The following MAD1L1 variants were observed in gnomAD, a reference collection of about 807,000 sequenced individuals.
MAD1L1 encodes mitotic spindle assembly checkpoint protein MAD1.
MAD1L1 carries 95 observed loss-of-function variants against 96.9 expected under a neutral mutation model. That is an observed-to-expected ratio of 0.98 (90% CI 0.83 to 1.16). The LOEUF (loss-of-function observed/expected upper bound fraction) is 1.16. MAD1L1 is among the 50% of genes most tolerant of loss of function. The pLI, the probability that MAD1L1 is intolerant of heterozygous loss-of-function variation, is 0.00. For synonymous variants in MAD1L1, 473 were observed against 396.6 expected, an observed-to-expected ratio of 1.19 and a Z score of -2.29; for missense variants, 1,007 against 954.4, an observed-to-expected ratio of 1.06 and a Z score of -0.73.
intron 18 of MAD1L1, among the ~76,000 whole-genome samples, chr7:1,896,237 G>A (rs1786860610): frequency 1.3e-5 from 2 of 152,364 alleles, no homozygotes; most frequent in South Asian, 2.1e-4. Flanking sequence ...CCAGGCCATG[G>A]GGGCTGAAAG....
At position 1,938,245 on chromosome 7, in the gene MAD1L1, C is replaced by A. The variant is rs974975296; in HGVS notation, c.1597-1348G>T. Among the ~76,000 whole-genome samples the A allele has an allele frequency of 2.7e-5, 4 of 150,186 alleles. No homozygotes were observed. The East Asian group carries it at 7.9e-4, about 30-fold the overall frequency. On this transcript the variant is annotated intron_variant, in intron 16 of 18. Transcript: ENST00000265854. ...GTTACTGCGCACCCGAGACCCCGAC[C>A]TCACGCCACACACAAACAACAGCCG...
chr7:2,083,060 T>G (rs1328670333), intron 11 of MAD1L1, among the ~76,000 whole-genome samples: 1 of 152,192 alleles, frequency 6.6e-6, no homozygotes, highest in Non-Finnish European at 1.5e-5. Context: ...CGTCCCTCCC[T>G]GCGCGTGACG....
rs534216419 is a variant in MAD1L1 at position 2,146,847 on chromosome 7, G to A, written c.1073+2305C>T. On this transcript the variant is annotated intron_variant, in intron 11 of 18. Transcript: ENST00000265854. The surrounding 1 kb of genome is among the most constrained non-coding windows in gnomAD (Gnocchi z 6.2). Reference sequence around the variant, plus strand: ...CAACCGTGCGAGGCTCCCTGACCCCGCCACGGCAGGCCGCGACGAACACGG... The same window carrying A: ...CAACCGTGCGAGGCTCCCTGACCCCACCACGGCAGGCCGCGACGAACACGG... Among the ~76,000 whole-genome samples, 1 of 152,248 alleles carries A rather than the reference G, an allele frequency of 6.6e-6. No homozygotes were observed. The highest frequency in any genetic ancestry group is 1.9e-4 in the East Asian group (1 of 5,170).
chr7:2,203,924 A>G (rs1001045840), intron 10 of MAD1L1, among the ~76,000 whole-genome samples: 2 of 152,228 alleles, frequency 1.3e-5, no homozygotes, highest in African/African-American at 4.8e-5. Context: ...ACACAAGGTG[A>G]CGATGGCTAG....
At chr7:2,209,016 C>G (rs1792746203) in intron 10 of MAD1L1, among the ~76,000 whole-genome samples, 1 of 152,226 alleles carries the variant, frequency 6.6e-6, no homozygotes, top group Admixed American at 6.5e-5. Flanking sequence ...CCTGCCCTTC[C>G]CCACGTGTGT....
Position 2,219,423 on chromosome 7 carries a change from G to T in MAD1L1, c.505C>A (p.Leu169Met). The T allele has an allele frequency of 6.2e-7, 1 of 1,613,612 alleles. No individual in the cohort carries two copies. Among genetic ancestry groups the T allele is most frequent in the Non-Finnish European group, 8.5e-7 (1 of 1,179,848 alleles). ...TCCTGGTCCATCACGCTCCACTGCA[G>T]TTCCGAGATCCTCCCCTTCAGTGCG... is the stretch of plus-strand genomic sequence containing the variant. ...INALKGRISELQWSVMDQEMR... is the reference protein window; with the variant it reads ...INALKGRISEMQWSVMDQEMR... Residue 169 changes from leucine (L) to methionine (M), a missense_variant, in exon 6 of 19, where the codon CTG (leucine) becomes ATG (methionine). Transcript: ENST00000265854.
intron 15 of MAD1L1, among the ~76,000 whole-genome samples, chr7:1,965,413 G>GA (rs1452820296): frequency 6.6e-6 from 1 of 152,214 alleles, no homozygotes; most frequent in Non-Finnish European, 1.5e-5. Context: ...CCCGGCTCTG[G>GA]AAGGCCCACC....
chr7:1,902,052 G>C (rs1479854898), intron 17 of MAD1L1, among the ~76,000 whole-genome samples: 1 of 152,172 alleles, frequency 6.6e-6, no homozygotes, highest in Non-Finnish European at 1.5e-5. Flanking sequence ...TCAAGTGGGA[G>C]TCAGAGAGGA....
intron 11 of MAD1L1, among the ~76,000 whole-genome samples, chr7:2,072,822 C>T (rs1785198408): frequency 1.3e-5 from 2 of 152,210 alleles, no homozygotes. Flanking sequence ...GCTGGGCAGC[C>T]TTGAAGGGGG....
In MAD1L1 at chr7:2,103,385, G is replaced by A. The variant is rs532129979; in HGVS notation, c.1074-34047C>T. On this transcript the variant is annotated intron_variant, in intron 11 of 18. Coordinates refer to ENST00000265854, the MANE Select transcript of MAD1L1 (RefSeq NM_001013836.2). The surrounding 1 kb of genome is among the most constrained non-coding windows in gnomAD (Gnocchi z 4.3). ...CTCAGTAGACGGCACATGGGACATCGCCATGCCTAGTGATGACGTTTCTGT... is the reference window on the plus strand; with the variant it reads ...CTCAGTAGACGGCACATGGGACATCACCATGCCTAGTGATGACGTTTCTGT... Among the ~76,000 whole-genome samples, 4 of 152,166 alleles carry A rather than the reference G, an allele frequency of 2.6e-5. No homozygotes were observed. The highest frequency in any genetic ancestry group is 4.4e-5 in the Non-Finnish European group (3 of 68,024).
intron 4 of MAD1L1, among the ~76,000 whole-genome samples, chr7:2,222,998 C>T (rs1052810266): frequency 1.3e-5 from 2 of 152,208 alleles, no homozygotes; most frequent in African/African-American, 4.8e-5. Flanking sequence ...GGGCACTTGG[C>T]ACAGATCACA....
At chr7:2,076,973 AGCATGGTGAGCCCG>A (rs1414521969) in intron 11 of MAD1L1, among the ~76,000 whole-genome samples, 2,866 of 145,906 alleles carry the variant, frequency 0.02, 102 homozygotes, top group African/African-American at 0.069. Context: ...GTGAGCCCGC[AGCATGGTGAGCCCG>A]AGACGGTTAT....
At chr7:2,200,872 G>A (rs988972799) in intron 10 of MAD1L1, among the ~76,000 whole-genome samples, 6 of 152,340 alleles carry the variant, frequency 3.9e-5, no homozygotes, top group Admixed American at 3.9e-4. Context: ...ACACCAGTGA[G>A]AAGCGTGCAG....
chr7:2,160,622 C>T (rs148791753), intron 10 of MAD1L1, among the ~76,000 whole-genome samples: 89 of 151,746 alleles, frequency 5.9e-4, no homozygotes, highest in African/African-American at 2.0e-3. Flanking sequence ...CGTGAGCCAC[C>T]GCCCCCGGCC....
chr7:1,889,592 G>A (rs531453034), intron 18 of MAD1L1, among the ~76,000 whole-genome samples: 21 of 152,266 alleles, frequency 1.4e-4, no homozygotes, highest in African/African-American at 4.8e-4. Context: ...TATGTTCCCT[G>A]CAACGCAGAG....
intron 18 of MAD1L1, among the ~76,000 whole-genome samples, chr7:1,868,294 C>T (rs894366557): frequency 6.6e-6 from 1 of 152,176 alleles, no homozygotes; most frequent in Non-Finnish European, 1.5e-5. Flanking sequence ...GGAATTGGCT[C>T]TGAGATTTCA....
chr7:2,093,775 G>A (rs1786334329), intron 11 of MAD1L1, among the ~76,000 whole-genome samples: 1 of 152,190 alleles, frequency 6.6e-6, no homozygotes. Context: ...AGAGTCCACA[G>A]CTGCGCTCCA....
intron 16 of MAD1L1, among the ~76,000 whole-genome samples, chr7:1,939,018 CACACAT>C (rs1254638526): frequency 7.2e-6 from 1 of 139,088 alleles, no homozygotes; most frequent in Non-Finnish European, 1.5e-5. Flanking sequence ...CACACACACA[CACACAT>C]GGGCCAGGGC....
intron 17 of MAD1L1, among the ~76,000 whole-genome samples, chr7:1,901,791 C>CT (rs1011300148): frequency 6.6e-6 from 1 of 152,210 alleles, no homozygotes; most frequent in African/African-American, 2.4e-5. Flanking sequence ...CCTGCCTTCC[C>CT]TGCCCGGGGA....
Sources: gnomAD v4.1 joint callset for allele counts (sites outside exome capture counted in the v4.1 genomes callset) on GRCh38, gnomAD v4.1.1 for gene constraint, Gnocchi (gnomAD v3.1) non-coding constraint, MANE v1.5 for transcripts, NCBI Gene and HGNC (gene_info 2026-07-23, HGNC 2026-07-21) for gene names.